Variants in PYGL observed in about 807,000 individuals in gnomAD.
PYGL encodes the protein glycogen phosphorylase L, also known as glycogen phosphorylase, liver form.
In PYGL, 90 loss-of-function variants were observed where a neutral mutation model predicts 100.1. The ratio of observed to expected loss-of-function variants is 0.90; its 90% CI spans 0.76 to 1.07. The LOEUF (loss-of-function observed/expected upper bound fraction) is 1.07, where lower values mean the gene tolerates loss of function less well. Ranked by LOEUF, PYGL falls within the 50% of genes least tolerant of loss-of-function variation. The probability of loss-of-function intolerance (pLI) is 0.00; values close to 1 mark genes in which losing one functional copy is unlikely to be tolerated. For missense variants in PYGL, 1,016 were observed against 1,057.6 expected (o/e 0.96, Z 0.55); for synonymous variants, 373 against 393.0 (o/e 0.95, Z 0.60).
chr14:50,924,480 C>G (rs1436617681), intron 4 of PYGL, among the ~76,000 whole-genome samples: 1 of 152,210 alleles, frequency 6.6e-6, no homozygotes, highest in Non-Finnish European at 1.5e-5. Flanking sequence ...CAGCTAAAGA[C>G]AGACGCCTTA....
intron 8 of PYGL, 80 bp from the exon 9 acceptor site, chr14:50,916,814 G>A: frequency 1.9e-6 from 3 of 1,541,568 alleles, no homozygotes; most frequent in Non-Finnish European, 2.7e-6. Flanking sequence ...TCTGGAGAAA[G>A]CACTGATATG....
rs2050643847 is a variant in PYGL at position 50,935,196 on chromosome 14, A to C, written c.346-11T>G. ...TATATCCAATCCAAGCTGGTAATGA[A>C]AGGAAAACAATATTGGAAGCAGATA... is the stretch of plus-strand genomic sequence containing the variant. On this transcript the variant is annotated splice_polypyrimidine_tract_variant and intron_variant, in intron 2 of 19. Transcript: ENST00000216392. 6.3e-7 allele frequency: 1 copy of C among 1,596,006 alleles called. No homozygotes were observed. Among genetic ancestry groups the C allele is most frequent in the Non-Finnish European group, 8.6e-7 (1 of 1,163,730 alleles).
chr14:50,921,582 G>A (rs559270040), intron 5 of PYGL: 10 of 155,696 alleles, frequency 6.4e-5, no homozygotes, highest in South Asian at 2.0e-4. Flanking sequence ...AGGTTTCACC[G>A]TGTTAGCCAG....
intron 4 of PYGL, among the ~76,000 whole-genome samples, chr14:50,926,312 C>T (rs577149878): frequency 2.0e-5 from 3 of 151,984 alleles, no homozygotes; most frequent in Non-Finnish European, 4.4e-5. Context: ...GATCATGCCA[C>T]TGTACTCCAC....
chr14:50,907,148 G>C (rs1410428039), intron 19 of PYGL, among the ~76,000 whole-genome samples: 1 of 152,084 alleles, frequency 6.6e-6, no homozygotes, highest in African/African-American at 2.4e-5. Context: ...TTGATAAAGC[G>C]TATAACTTTG....
rs574314446 is a variant in PYGL at position 50,915,520 on chromosome 14, C to T, written c.1240-21G>A. 1.4e-4 allele frequency: 234 copies of T among 1,613,946 alleles called. No homozygotes were observed. In the South Asian group the frequency reaches 2.3e-3, roughly 16 times the overall value. On this transcript the variant is annotated intron_variant, in intron 10 of 19. Transcript: ENST00000216392. ...ATTCTCTAGCCAAAGGAAGAGAAAG[C>T]CCTTGCTGGTCACTCAGGTTTAATG...
chr14:50,941,476 C>T (rs1443180330), intron 1 of PYGL, among the ~76,000 whole-genome samples: 2 of 152,074 alleles, frequency 1.3e-5, no homozygotes, highest in South Asian at 2.1e-4. Context: ...GAGGAGAGCA[C>T]GTCATTCAAG....
chr14:50,926,725 CAAAAAAAAAAAAAAAAA>C (rs60411526), intron 4 of PYGL, among the ~76,000 whole-genome samples: 2 of 42,826 alleles, frequency 4.7e-5, no homozygotes, highest in African/African-American at 1.6e-4. Context: ...GACTCTGTCT[CAAAAAAAAAAAAAAAAA>C]AAAAAAAAAA....
At chr14:50,907,863 C>T (rs769754258) in intron 19 of PYGL, among the ~76,000 whole-genome samples, 29 of 151,744 alleles carry the variant, frequency 1.9e-4, no homozygotes, top group Non-Finnish European at 3.5e-4. Context: ...CTGGCCAACA[C>T]GGTGAAACTC....
chr14:50,927,259 C>G (rs965586905), intron 4 of PYGL, among the ~76,000 whole-genome samples: 1 of 152,150 alleles, frequency 6.6e-6, no homozygotes, highest in Non-Finnish European at 1.5e-5. Context: ...CAGTTTTGCT[C>G]TGTCGCCCAG....
chr14:50,912,138 G>A lies in PYGL; in HGVS notation c.1768+18C>T, dbSNP rs906687850. ...CTTCCACCTGCAAGGGGGCTTGTTG[G>A]CTACAGGGCTGACTCACGGTTGTAC... On this transcript the variant is annotated intron_variant, in intron 14 of 19. Transcript: ENST00000216392. 11 of 1,614,086 alleles carry A rather than the reference G, an allele frequency of 6.8e-6. No individual in the cohort carries two copies. The African/African-American group carries it at 1.2e-4, about 18-fold the overall frequency.
At chr14:50,909,617 A>G (rs2050371933) in intron 17 of PYGL, among the ~76,000 whole-genome samples, 1 of 152,226 alleles carries the variant, frequency 6.6e-6, no homozygotes, top group Admixed American at 6.5e-5. Context: ...AGTAAAAATC[A>G]TACATACGGA....
At chr14:50,905,700 T>G in intron 19 of PYGL, 144 bp from the exon 20 acceptor site, 5 of 841,174 alleles carry the variant, frequency 5.9e-6, no homozygotes, top group Non-Finnish European at 9.8e-6. Context: ...TTCTTGTTTG[T>G]CTGTTGAGAG....
In PYGL at chr14:50,905,615, A is replaced by G. The variant is rs1959527; in HGVS notation, c.2380-59T>C. 0.25 allele frequency: 376,956 copies of G among 1,530,528 alleles called. 52,073 individuals carry two copies. Among genetic ancestry groups the G allele is most frequent in the East Asian group, 0.55 (24,465 of 44,424 alleles). 94.8% of individuals were successfully genotyped at this position (1,530,528 alleles called of 1,614,324 possible). ...CCCAGTGCGCAGTGAGCTTTATAAT[A>G]AACATCAGCCAAGCACATCCAAACA... On this transcript the variant is annotated intron_variant, in intron 19 of 19. Transcript: ENST00000216392.
chr14:50,923,291 T>A (rs909363759), intron 5 of PYGL: 1 of 151,998 alleles, frequency 6.6e-6, no homozygotes, highest in South Asian at 2.1e-4. Flanking sequence ...TATTTTATTT[T>A]ATTTTATTTT....
Position 50,908,281 on chromosome 14 carries a change from T to C in PYGL, c.2369A>G (p.Gln790Arg), listed in dbSNP as rs774258465. 1.3e-6 allele frequency: 2 copies of C among 1,593,100 alleles called. No homozygotes were observed. Among genetic ancestry groups the C allele is most frequent in the South Asian group, 2.2e-5 (2 of 90,654 alleles). The change falls in exon 19 of 20, where the codon CAG becomes CGG. Residue 790 changes from glutamine (Q) to arginine (R), a missense_variant. Coordinates refer to ENST00000216392, the MANE Select transcript of PYGL (RefSeq NM_002863.5). Reference protein sequence around the residue: ...AYVKCQDKVSQLYMNPKAWNT... With the variant: ...AYVKCQDKVSRLYMNPKAWNT... The stretch of plus-strand genomic sequence containing the variant: ...TGGCAATTTACTCACCATGTACAGC[T>C]GACTCACTTTATCTTGACACTTGAC...
chr14:50,928,972 A>T (rs1045988311), intron 4 of PYGL, among the ~76,000 whole-genome samples: 2 of 152,216 alleles, frequency 1.3e-5, no homozygotes, highest in African/African-American at 4.8e-5. Flanking sequence ...TTCTGATTCA[A>T]TTTCAAGTCA....
chr14:50,916,569 G>T, intron 9 of PYGL, 73 bp downstream of exon 9: 2 of 1,293,344 alleles, frequency 1.5e-6, no homozygotes, highest in South Asian at 1.2e-5. Flanking sequence ...AAACTAAAAA[G>T]GGAGTTTTTG....
At chr14:50,938,216 C>CT (rs1201937919) in intron 1 of PYGL, among the ~76,000 whole-genome samples, 2 of 152,084 alleles carry the variant, frequency 1.3e-5, no homozygotes, top group African/African-American at 2.4e-5. Flanking sequence ...AAAATCTTTT[C>CT]TTTTTTTATT....
Sources: gnomAD v4.1 joint callset for allele counts (sites outside exome capture counted in the v4.1 genomes callset) on GRCh38, gnomAD v4.1.1 for gene constraint, MANE v1.5 for transcripts, NCBI Gene and HGNC (gene_info 2026-07-23, HGNC 2026-07-21) for gene names.